Variants in SEC31B observed in about 807,000 individuals in gnomAD.
SEC31B encodes protein transport protein Sec31B.
SEC31B carries 113 observed loss-of-function variants against 135.0 expected under a neutral mutation model. The ratio of observed to expected loss-of-function variants is 0.84; its 90% CI spans 0.72 to 0.98. The LOEUF is 0.98. Ranked by LOEUF, SEC31B falls within the 50% of genes least tolerant of loss-of-function variation. SEC31B has a pLI of 0.00. For synonymous variants in SEC31B, 508 were observed against 549.4 expected (o/e 0.92, Z 1.05); for missense variants, 1,296 against 1,421.1 (o/e 0.91, Z 1.42).
At chr10:100,493,180 T>C (rs1335858716) in intron 19 of SEC31B, among the ~76,000 whole-genome samples, 1 of 152,116 alleles carries the variant, frequency 6.6e-6, no homozygotes, top group African/African-American at 2.4e-5. Context: ...AAGACCATCC[T>C]GGCTAACATG....
intron 9 of SEC31B, 81 bp from the exon 10 acceptor site, chr10:100,505,576 G>T: frequency 1.3e-6 from 2 of 1,498,278 alleles, no homozygotes; most frequent in South Asian, 1.4e-5. Context: ...CATTTTGGGA[G>T]GAATCCTTGA....
At chr10:100,498,656 C>A in intron 14 of SEC31B, 49 bp downstream of exon 14, 1 of 1,407,740 alleles carries the variant, frequency 7.1e-7, no homozygotes. Flanking sequence ...ACCTCCGTGC[C>A]CACCTAGTCC....
intron 10 of SEC31B, 122 bp downstream of exon 10, chr10:100,505,239 C>A: frequency 8.1e-7 from 1 of 1,230,668 alleles, no homozygotes; most frequent in Non-Finnish European, 1.1e-6. Context: ...GAGACAGAGG[C>A]AGTGGGAATA....
chr10:100,511,903 T>C (rs754635942), intron 3 of SEC31B, among the ~76,000 whole-genome samples: 1 of 152,198 alleles, frequency 6.6e-6, no homozygotes, highest in Non-Finnish European at 1.5e-5. Context: ...GCATCTACTA[T>C]GAATCCTCAA....
intron 5 of SEC31B, chr10:100,508,700 G>T: frequency 2.2e-6 from 1 of 450,860 alleles, no homozygotes; most frequent in Non-Finnish European, 4.1e-6. Context: ...CCCTGCGAAA[G>T]CTCTACTGTG....
intron 5 of SEC31B, 169 bp downstream of exon 5, chr10:100,508,838 G>T: frequency 1.6e-6 from 1 of 618,258 alleles, no homozygotes. Flanking sequence ...CCACCCACCA[G>T]CCATCCTAAC....
At chr10:100,509,856 A>T (rs1436740107) in intron 3 of SEC31B, among the ~76,000 whole-genome samples, 1 of 152,190 alleles carries the variant, frequency 6.6e-6, no homozygotes, top group Non-Finnish European at 1.5e-5. Context: ...TAATCCTCAC[A>T]ACTCAAATAG....
chr10:100,505,326 A>G, intron 10 of SEC31B, 35 bp downstream of exon 10: 1 of 1,602,658 alleles, frequency 6.2e-7, no homozygotes, highest in Non-Finnish European at 8.5e-7. Context: ...ACACACACAC[A>G]AACACACACA....
intron 3 of SEC31B, among the ~76,000 whole-genome samples, chr10:100,511,852 A>G (rs1178122373): frequency 6.6e-6 from 1 of 152,224 alleles, no homozygotes; most frequent in East Asian, 1.9e-4. Context: ...TGAATGGAGC[A>G]TTGGTTGTTT....
Position 100,487,390 on chromosome 10 carries a change from T to C in SEC31B, c.*226A>G. On this transcript the variant is annotated 3_prime_UTR_variant, in exon 26 of 26. Coordinates refer to ENST00000370345, the MANE Select transcript of SEC31B (RefSeq NM_015490.4). ...AGAGTGAAGAACTGATTCTATGCCC[T>C]GCCTCCAGGCCTGAGAGTGTCTTGG... 1 of 559,644 alleles carries C rather than the reference T, an allele frequency of 1.8e-6. No individual in the cohort carries two copies. The highest frequency in any genetic ancestry group is 2.1e-5 in the South Asian group (1 of 47,080). The allele number at this position is 559,644 out of a possible 1,614,324, so 34.7% of individuals were successfully genotyped here. A position where few individuals can be genotyped will look rare whatever the true frequency, so the allele number is the denominator to read the frequency against.
rs1269493982 is a variant in SEC31B, at chr10:100,509,491, C to G, written c.224G>C (p.Gly75Ala). Residue 75 changes from glycine (G) to alanine (A), a missense_variant, in exon 4 of 26, where the codon GGG becomes GCG. Coordinates refer to ENST00000370345, the MANE Select transcript of SEC31B (RefSeq NM_015490.4). Reference sequence around the variant, plus strand: ...TTCCAGAAGCCCACTGCCAAAGCTCCCCCAGACCAGCTTGTGAAACCTATA... The same window carrying G: ...TTCCAGAAGCCCACTGCCAAAGCTCGCCCAGACCAGCTTGTGAAACCTATA... ...ALSRFHKLVW[G>A]SFGSGLLESS... is the part of the protein sequence containing the mutation. The G allele has an allele frequency of 3.3e-5, 54 of 1,612,680 alleles. No individual in the cohort carries two copies. The highest frequency in any genetic ancestry group is 4.4e-5 in the Non-Finnish European group (52 of 1,179,288).
Position 100,490,136 on chromosome 10 carries a change from C to T in SEC31B, c.2837G>A (p.Gly946Asp), listed in dbSNP as rs1851272236. 1 of 1,595,036 alleles carries T rather than the reference C, an allele frequency of 6.3e-7. No individual in the cohort carries two copies. Among genetic ancestry groups the T allele is most frequent in the Non-Finnish European group, 8.5e-7 (1 of 1,171,402 alleles). The change falls in exon 21 of 26, where the codon GGT becomes GAT. Residue 946 changes from glycine to aspartate, a missense_variant. By Grantham distance (94) the Gly-to-Asp change is moderately conservative. Coordinates refer to ENST00000370345, the MANE Select transcript of SEC31B (RefSeq NM_015490.4). ...LFPLLPLRPL[G>D]PGRMVSHTPA... ...GGTGTGGGAGACCATGCGGCCGGGA[C>T]CTAGTGGTCTCAGAGGAAGCAGAGG...
Position 100,488,101 on chromosome 10 carries a change from G to A in SEC31B, c.3289-3C>T. On this transcript the variant is annotated splice_region_variant and splice_polypyrimidine_tract_variant and intron_variant, in intron 24 of 25. Transcript: ENST00000370345. ...TCTTCCAGCTTCCTTTTTGTCTTCT[G>A]CAGGGAAAGAAATGGATTCCAACCC... 6.2e-7 allele frequency: 1 copy of A among 1,613,834 alleles called. No homozygotes were observed. Among genetic ancestry groups the A allele is most frequent in the Non-Finnish European group, 8.5e-7 (1 of 1,179,792 alleles).
intron 3 of SEC31B, among the ~76,000 whole-genome samples, chr10:100,515,797 G>A (rs1440787125): frequency 6.6e-6 from 1 of 152,176 alleles, no homozygotes; most frequent in African/African-American, 2.4e-5. Flanking sequence ...AGCCAAGGGA[G>A]GAAGGAGCCA....
At chr10:100,497,511 G>T (rs2133680201) in intron 16 of SEC31B, 156 bp downstream of exon 16, 1 of 1,513,260 alleles carries the variant, frequency 6.6e-7, no homozygotes, top group African/African-American at 1.4e-5. Flanking sequence ...GGCATGCACT[G>T]TGGTCCCTGC....
chr10:100,495,324 C>T (rs766729022), intron 19 of SEC31B, 61 bp downstream of exon 19: 1 of 1,479,548 alleles, frequency 6.8e-7, no homozygotes. Context: ...TTCCAAGTGC[C>T]CAGAACCATG....
chr10:100,518,493 G>C (rs1851888979), intron 1 of SEC31B, among the ~76,000 whole-genome samples: 1 of 152,112 alleles, frequency 6.6e-6, no homozygotes, highest in South Asian at 2.1e-4. Context: ...TAATATGCAA[G>C]CTCCATGAGA....
intron 3 of SEC31B, among the ~76,000 whole-genome samples, chr10:100,510,745 G>A (rs1851722510): frequency 6.6e-6 from 1 of 152,232 alleles, no homozygotes; most frequent in Admixed American, 6.5e-5. Context: ...AAAGTATGGA[G>A]AACCAGCTCA....
At chr10:100,493,372 C>CAAAAAA (rs561941798) in intron 19 of SEC31B, among the ~76,000 whole-genome samples, 1,868 of 130,154 alleles carry the variant, frequency 0.014, 45 homozygotes, top group African/African-American at 0.049. Context: ...GACTCCATCT[C>CAAAAAA]AAAAAAAAAA....
Sources: allele counts gnomAD v4.1 joint callset (sites outside exome capture counted in the v4.1 genomes callset), GRCh38; gene constraint gnomAD v4.1.1; transcripts MANE v1.5; gene names NCBI Gene and HGNC (gene_info 2026-07-23, HGNC 2026-07-21).